The following RGL1 variants were observed in gnomAD, a reference collection of about 807,000 sequenced individuals.
The protein encoded by RGL1 is ral guanine nucleotide dissociation stimulator like 1.
In RGL1, 24 loss-of-function variants were observed where a neutral mutation model predicts 95.2. That is an observed-to-expected ratio of 0.25 (90% CI 0.18 to 0.35). The LOEUF (loss-of-function observed/expected upper bound fraction) is 0.35. Among genes scored for constraint, RGL1 ranks in the 10% least tolerant of loss-of-function variants. The pLI, the probability that RGL1 is intolerant of heterozygous loss-of-function variation, is 1.00. For missense variants in RGL1, 715 were observed against 936.3 expected, an observed-to-expected ratio of 0.76 and a Z score of 3.08; for synonymous variants, 329 against 344.9, an observed-to-expected ratio of 0.95 and a Z score of 0.51.
intron 2 of RGL1, among the ~76,000 whole-genome samples, chr1:183,755,110 T>C (rs1273979822): frequency 1.3e-5 from 2 of 152,196 alleles, no homozygotes; most frequent in South Asian, 4.1e-4. Flanking sequence ...TTTAGAAATG[T>C]GATCTTAAAA....
rs754355346 is a variant in RGL1 at position 183,648,240 on chromosome 1, C to T, written c.-33+11739C>T. On this transcript the variant is annotated intron_variant, in intron 1 of 18. Transcript: ENST00000304685. Reference sequence around the variant, plus strand: ...TATTGGACTCAAAACAACCCGCGGCCATAAGCTGGCCAGGCTCCGGAGAGC... The same window carrying T: ...TATTGGACTCAAAACAACCCGCGGCTATAAGCTGGCCAGGCTCCGGAGAGC... 6.8e-6 allele frequency: 11 copies of T among 1,614,082 alleles called. No individual in the cohort carries two copies. In the Middle Eastern group the frequency reaches 4.9e-4, roughly 72 times the overall value.
At chr1:183,870,396 G>A (rs1389447327) in intron 4 of RGL1, among the ~76,000 whole-genome samples, 1 of 113,440 alleles carries the variant, frequency 8.8e-6, no homozygotes, top group African/African-American at 3.4e-5. Flanking sequence ...TTCCGGCCAG[G>A]GTAGTTGTCT....
chr1:183,920,484 C>T (rs934824316), intron 16 of RGL1, among the ~76,000 whole-genome samples: 27 of 152,188 alleles, frequency 1.8e-4, no homozygotes, highest in African/African-American at 6.3e-4. Context: ...GATTCAGCAT[C>T]GCTTTGATGG....
At chr1:183,886,175 C>T (rs1207836517) in intron 7 of RGL1, among the ~76,000 whole-genome samples, 1 of 152,046 alleles carries the variant, frequency 6.6e-6, no homozygotes, top group African/African-American at 2.4e-5. Context: ...AGCAGAGACA[C>T]AATTGTGCCA....
At chr1:183,793,476 A>T (rs1660534900) in intron 2 of RGL1, among the ~76,000 whole-genome samples, 1 of 152,204 alleles carries the variant, frequency 6.6e-6, no homozygotes, top group Non-Finnish European at 1.5e-5. Flanking sequence ...CCACAGAGTG[A>T]AGAGACAACC....
At chr1:183,783,188 A>G (rs1285444166) in intron 2 of RGL1, among the ~76,000 whole-genome samples, 3 of 148,864 alleles carry the variant, frequency 2.0e-5, no homozygotes, top group Non-Finnish European at 4.4e-5. Flanking sequence ...GTTTTGGGGA[A>G]CTCTCAAACC....
intron 2 of RGL1, among the ~76,000 whole-genome samples, chr1:183,819,895 C>T (rs1662343019): frequency 6.6e-6 from 1 of 151,614 alleles, no homozygotes. Context: ...AAGGGTTCTC[C>T]TGCCTCAGCC....
intron 3 of RGL1, among the ~76,000 whole-genome samples, chr1:183,859,855 C>CT (rs1237707377): frequency 7.2e-5 from 11 of 152,272 alleles, no homozygotes; most frequent in African/African-American, 1.9e-4. Context: ...CCAAGGTAGG[C>CT]TTGGTGGCTG....
At chr1:183,832,399 T>C (rs1663322632) in intron 2 of RGL1, among the ~76,000 whole-genome samples, 1 of 152,226 alleles carries the variant, frequency 6.6e-6, no homozygotes, top group Admixed American at 6.5e-5. Context: ...AATTGGAAAT[T>C]CAAGTCTAGA....
At chr1:183,772,986 G>A (rs1304361883) in intron 2 of RGL1, among the ~76,000 whole-genome samples, 2 of 135,270 alleles carry the variant, frequency 1.5e-5, no homozygotes, top group Middle Eastern at 4.4e-3. Flanking sequence ...TCCGCAGTCC[G>A]GCCTGGGCGA....
At chr1:183,868,736 T>C (rs539984318) in intron 4 of RGL1, among the ~76,000 whole-genome samples, 1 of 152,318 alleles carries the variant, frequency 6.6e-6, no homozygotes, top group South Asian at 2.1e-4. Flanking sequence ...AGACATGTTA[T>C]TATACACATA....
At chr1:183,906,957 G>A in intron 13 of RGL1, 55 bp from the exon 14 acceptor site, 4 of 942,334 alleles carry the variant, frequency 4.2e-6, no homozygotes, top group South Asian at 4.1e-5. Flanking sequence ...GTGAATTTAA[G>A]TGTGTTTTTC....
chr1:183,843,173 A>G (rs1664180672), intron 2 of RGL1, among the ~76,000 whole-genome samples: 1 of 152,220 alleles, frequency 6.6e-6, no homozygotes, highest in African/African-American at 2.4e-5. Flanking sequence ...ATGCATTGTT[A>G]TTTTGTGTGA....
chr1:183,678,205 G>T (rs1335463991), intron 1 of RGL1, among the ~76,000 whole-genome samples: 1 of 152,106 alleles, frequency 6.6e-6, no homozygotes, highest in East Asian at 1.9e-4. Context: ...GTGCACCTGT[G>T]TGTAACCTCC....
intron 1 of RGL1, among the ~76,000 whole-genome samples, chr1:183,699,285 T>G (rs1654442959): frequency 6.6e-6 from 1 of 152,252 alleles, no homozygotes; most frequent in African/African-American, 2.4e-5. Flanking sequence ...TGGTCCAGAC[T>G]GAGTAAGCAT....
At chr1:183,890,168 A>G (rs1295465777) in intron 8 of RGL1, among the ~76,000 whole-genome samples, 1 of 152,158 alleles carries the variant, frequency 6.6e-6, no homozygotes, top group Non-Finnish European at 1.5e-5. Flanking sequence ...CAAGTGTTAA[A>G]ATGTAGCCTT....
intron 1 of RGL1, among the ~76,000 whole-genome samples, chr1:183,712,290 C>T (rs949833068): frequency 8.5e-5 from 13 of 152,130 alleles, no homozygotes; most frequent in African/African-American, 2.7e-4. Flanking sequence ...AGGAGGAGGC[C>T]GTGAGGTATT....
intron 15 of RGL1, among the ~76,000 whole-genome samples, chr1:183,912,796 C>T (rs535259190): frequency 6.6e-6 from 1 of 152,314 alleles, no homozygotes; most frequent in South Asian, 2.1e-4. Context: ...TAACGGGCTA[C>T]CCAGGGCATG....
intron 2 of RGL1, among the ~76,000 whole-genome samples, chr1:183,774,478 G>A (rs1001825506): frequency 2.0e-5 from 3 of 151,966 alleles, no homozygotes; most frequent in African/African-American, 7.2e-5. Context: ...AACTGAAAGC[G>A]ATCCAATAGT....
Sources: gnomAD v4.1 joint callset for allele counts (sites outside exome capture counted in the v4.1 genomes callset) on GRCh38, gnomAD v4.1.1 for gene constraint, MANE v1.5 for transcripts, NCBI Gene and HGNC (gene_info 2026-07-23, HGNC 2026-07-21) for gene names.